Variants in ENPP2 observed in about 807,000 individuals in gnomAD.
ENPP2 encodes the protein autotaxin.
Under a neutral mutation model 120.2 loss-of-function variants are expected in ENPP2, and 51 were observed. That is an observed-to-expected ratio of 0.42 (90% CI 0.34 to 0.54). The LOEUF (loss-of-function observed/expected upper bound fraction) is 0.54, where lower values mean the gene tolerates loss of function less well. Ranked by LOEUF, ENPP2 falls within the 20% of genes least tolerant of loss-of-function variation. The pLI, the probability that ENPP2 is intolerant of heterozygous loss-of-function variation, is 0.04. For missense variants in ENPP2, 920 were observed against 1,066.5 expected (o/e 0.86, Z 1.91); for synonymous variants, 365 against 366.4 (o/e 1.00, Z 0.04).
chr8:119,646,595 G>A (rs919407294), intron 1 of ENPP2, among the ~76,000 whole-genome samples: 3 of 152,244 alleles, frequency 2.0e-5, no homozygotes, highest in South Asian at 4.2e-4. Context: ...TTAACTGTGA[G>A]ACCTTATATG....
Position 119,646,605 on chromosome 8 carries a change from G to A in ENPP2, c.22-8078C>T, listed in dbSNP as rs1529781. On this transcript the variant is annotated intron_variant, in intron 1 of 25. Coordinates refer to the ENPP2 transcript ENST00000427067. ...ACAGTTTAACTGTGAGACCTTATAT[G>A]ACCCTTAGGCAAATTACTTCTCCAT... Among the ~76,000 whole-genome samples the A allele has an allele frequency of 9.7e-3, 1,476 of 152,194 alleles. 24 individuals carry two copies. Among genetic ancestry groups the A allele is most frequent in the African/African-American group, 0.034 (1,400 of 41,508 alleles).
chr8:119,603,476 G>A (rs1297591703), intron 9 of ENPP2, among the ~76,000 whole-genome samples: 1 of 152,138 alleles, frequency 6.6e-6, no homozygotes, highest in Non-Finnish European at 1.5e-5. Flanking sequence ...CAGCTATGAG[G>A]CCAGAGTGCT....
At chr8:119,592,114 T>C (rs906138779) in intron 12 of ENPP2, among the ~76,000 whole-genome samples, 2 of 152,158 alleles carry the variant, frequency 1.3e-5, no homozygotes, top group African/African-American at 4.8e-5. Flanking sequence ...TAGTGTCAGA[T>C]AGCTGTTAAA....
At chr8:119,618,464 A>G (rs1815633537) in intron 5 of ENPP2, 1 of 406,616 alleles carries the variant, frequency 2.5e-6, no homozygotes, top group Non-Finnish European at 4.8e-6. Context: ...GCCTTTTTCA[A>G]CATCACCCAT....
intron 11 of ENPP2, among the ~76,000 whole-genome samples, chr8:119,596,956 G>A (rs1193776001): frequency 1.3e-5 from 2 of 151,960 alleles, no homozygotes; most frequent in African/African-American, 4.8e-5. Context: ...AATTAAAGCA[G>A]CAAGCCTTGC....
chr8:119,582,751 C>G, intron 17 of ENPP2, 149 bp from the exon 18 acceptor site: 2 of 626,252 alleles, frequency 3.2e-6, no homozygotes, highest in Non-Finnish European at 5.6e-6. Context: ...GCAGGCACCC[C>G]CTCCTTACCT....
chr8:119,582,109 A>G (rs368973175), intron 18 of ENPP2, among the ~76,000 whole-genome samples: 1 of 152,236 alleles, frequency 6.6e-6, no homozygotes, highest in African/African-American at 2.4e-5. Context: ...CATGTGATCC[A>G]CAGTTGAAGA....
chr8:119,641,890 G>T (rs1228315792), upstream of ENPP2, among the ~76,000 whole-genome samples: 1 of 152,136 alleles, frequency 6.6e-6, no homozygotes, highest in Non-Finnish European at 1.5e-5. Flanking sequence ...TTGTGGTCTG[G>T]CAGGAAAATT....
At position 119,583,961 on chromosome 8, in the gene ENPP2, C is replaced by T. The variant is rs2130340377; in HGVS notation, c.1455+1G>A. Reference sequence around the variant, plus strand: ...TTCAATTCACAGTTCTGCCATCATACCTGCATGCTGTTGACCTTGTTATCA... The same window carrying T: ...TTCAATTCACAGTTCTGCCATCATATCTGCATGCTGTTGACCTTGTTATCA... On this transcript the variant is annotated splice_donor_variant, in intron 16 of 24. Transcript: ENST00000075322. LOFTEE classifies it high-confidence loss of function. 6.2e-7 allele frequency: 1 copy of T among 1,609,886 alleles called. No homozygotes were observed. Among genetic ancestry groups the T allele is most frequent in the Non-Finnish European group, 8.5e-7 (1 of 1,176,240 alleles).
intron 12 of ENPP2, among the ~76,000 whole-genome samples, 153 bp from the exon 13 acceptor site, chr8:119,590,783 AAATGGTTT>A (rs908713137): frequency 6.6e-6 from 1 of 152,138 alleles, no homozygotes; most frequent in African/African-American, 2.4e-5. Flanking sequence ...ATTTGACTTT[AAATGGTTT>A]AAGGCTTCTC....
intron 8 of ENPP2, among the ~76,000 whole-genome samples, chr8:119,612,641 A>C (rs931340034): frequency 6.6e-6 from 1 of 152,192 alleles, no homozygotes; most frequent in Non-Finnish European, 1.5e-5. Flanking sequence ...TGTAATACCA[A>C]GACTTTGAGA....
intron 9 of ENPP2, among the ~76,000 whole-genome samples, chr8:119,605,350 G>GC (rs1393928184): frequency 6.6e-6 from 1 of 152,014 alleles, no homozygotes; most frequent in Non-Finnish European, 1.5e-5. Context: ...ACAGGCATGA[G>GC]CCCCCAGGCC....
At chr8:119,625,409 G>T (rs375642281) in intron 3 of ENPP2, among the ~76,000 whole-genome samples, 1 of 152,170 alleles carries the variant, frequency 6.6e-6, no homozygotes, top group Non-Finnish European at 1.5e-5. Context: ...TTGCAGGGAC[G>T]CAGGAGGAAA....
At chr8:119,584,255 G>A (rs1812951367) in intron 15 of ENPP2, among the ~76,000 whole-genome samples, 1 of 152,082 alleles carries the variant, frequency 6.6e-6, no homozygotes, top group South Asian at 2.1e-4. Flanking sequence ...AGGATAAATG[G>A]CGACCTGTGA....
intron 9 of ENPP2, among the ~76,000 whole-genome samples, chr8:119,604,538 CACT>C (rs1814554534): frequency 1.3e-5 from 2 of 151,412 alleles, no homozygotes; most frequent in African/African-American, 4.9e-5. Flanking sequence ...TCTTCACCAC[CACT>C]GATTGATGCA....
intron 23 of ENPP2, among the ~76,000 whole-genome samples, chr8:119,563,446 A>G (rs1814135225): frequency 1.3e-5 from 2 of 152,114 alleles, no homozygotes; most frequent in Admixed American, 1.3e-4. Context: ...TATTAGTTCC[A>G]TGTTTCAGGA....
chr8:119,612,412 C>G (rs192849276), intron 8 of ENPP2, among the ~76,000 whole-genome samples: 74 of 152,282 alleles, frequency 4.9e-4, no homozygotes, highest in African/African-American at 1.6e-3. Context: ...AAGTCAACCC[C>G]TTTTGGCCTG....
intron 1 of ENPP2, among the ~76,000 whole-genome samples, chr8:119,665,337 A>T (rs1302054175): frequency 6.6e-6 from 1 of 152,168 alleles, no homozygotes; most frequent in African/African-American, 2.4e-5. Flanking sequence ...TCTACAATGG[A>T]CACCTTCCTG....
At chr8:119,658,700 C>A (rs763371411) in intron 1 of ENPP2, among the ~76,000 whole-genome samples, 1 of 152,152 alleles carries the variant, frequency 6.6e-6, no homozygotes. Context: ...TGAGCACTTA[C>A]CCAACTCCTG....
Sources: allele counts gnomAD v4.1 joint callset (sites outside exome capture counted in the v4.1 genomes callset), GRCh38; gene constraint gnomAD v4.1.1; transcripts MANE v1.5; gene names NCBI Gene and HGNC (gene_info 2026-07-23, HGNC 2026-07-21).